Variants in PKHD1 observed in about 807,000 individuals in gnomAD.
PKHD1 encodes PKHD1 ciliary IPT domain containing fibrocystin/polyductin.
In PKHD1, 291 loss-of-function variants were observed where a neutral mutation model predicts 412.0. That is an observed-to-expected ratio of 0.71 (90% confidence interval 0.64 to 0.78). The LOEUF is 0.78. Ranked by LOEUF, PKHD1 falls within the 30% of genes least tolerant of loss-of-function variation. PKHD1 has a pLI of 0.00. For missense variants in PKHD1, 4,825 were observed against 4,950.7 expected (o/e 0.97, Z 0.76); for synonymous variants, 1,777 against 1,821.5 (o/e 0.98, Z 0.62).
chr6:52,034,066 T>C (rs1432489174), intron 28 of PKHD1, among the ~76,000 whole-genome samples: 1 of 150,920 alleles, frequency 6.6e-6, no homozygotes, highest in East Asian at 1.9e-4. Flanking sequence ...GAGGTGGAGG[T>C]TGCAGTGAGC....
intron 55 of PKHD1, among the ~76,000 whole-genome samples, chr6:51,769,738 A>G (rs1789734572): frequency 2.0e-5 from 3 of 151,420 alleles, no homozygotes; most frequent in South Asian, 2.1e-4. Flanking sequence ...ATAACTGTCA[A>G]TATGAAAACT....
chr6:51,854,769 A>G (rs1436911381), intron 49 of PKHD1, among the ~76,000 whole-genome samples: 1 of 152,196 alleles, frequency 6.6e-6, no homozygotes, highest in Non-Finnish European at 1.5e-5. Context: ...AAAGCCATCC[A>G]GCCTCCCTGG....
intron 28 of PKHD1, among the ~76,000 whole-genome samples, chr6:52,035,176 G>A (rs1379472662): frequency 2.0e-5 from 3 of 152,180 alleles, no homozygotes; most frequent in Non-Finnish European, 4.4e-5. Context: ...AAGTTTCTAA[G>A]TTCTACAATT....
At chr6:51,991,099 G>C (rs920620834) in intron 35 of PKHD1, among the ~76,000 whole-genome samples, 1 of 152,104 alleles carries the variant, frequency 6.6e-6, no homozygotes, top group East Asian at 1.9e-4. Context: ...AAGCATCATG[G>C]ACAACCCTAT....
At position 52,022,360 on chromosome 6, in the gene PKHD1, T is replaced by C. The variant is rs1048678829; in HGVS notation, c.5380+441A>G. On this transcript the variant is annotated intron_variant, in intron 33 of 66. Coordinates refer to ENST00000371117, the MANE Select transcript of PKHD1 (RefSeq NM_138694.4). Reference sequence around the variant, plus strand: ...GAAAACTGAACACACAAAGCTAATTTTCAAGTGATATCCAGCTTGAAAATC... The same window carrying C: ...GAAAACTGAACACACAAAGCTAATTCTCAAGTGATATCCAGCTTGAAAATC... 2.2e-4 allele frequency among the ~76,000 whole-genome samples: 34 copies of C among 152,194 alleles called. 1 individual carries two copies. The highest frequency in any genetic ancestry group is 8.0e-4 in the African/African-American group (33 of 41,454).
In PKHD1 at chr6:52,024,776, T is replaced by C. The variant is rs1463161754; in HGVS notation, c.5034A>G (p.Ser1678=). 1 of 1,613,184 alleles carries C rather than the reference T, an allele frequency of 6.2e-7. No homozygotes were observed. Among genetic ancestry groups the C allele is most frequent in the African/African-American group, 1.3e-5 (1 of 75,040 alleles). The change falls in exon 32 of 67, where the codon TCA becomes TCG. Residue 1678 remains serine, a synonymous_variant. Transcript: ENST00000371117. ...DILTFAVAQI[S]GAANIDIFIG... is the part of the protein sequence containing the mutation. ...TAAAAATGTCAATGTTTGCAGCTCC[T>C]GAGATCTGGGCCACTGCAAAGGTTA...
Position 52,056,746 on chromosome 6 carries a change from G to A in PKHD1, c.1645C>T (p.Leu549=). ...AGGATGTTAGACCAAAGGGGTTCCA[G>A]TTTGCATTTTACTGCAAGTAACTCC... ...IEELLAVKCK[L]EPLWSNILLR... is the part of the protein sequence containing the mutation. The change falls in exon 18 of 67, where the codon CTG becomes TTG. Residue 549 remains leucine (L), a synonymous_variant. Coordinates refer to ENST00000371117, the MANE Select transcript of PKHD1 (RefSeq NM_138694.4). 6.2e-7 allele frequency: 1 copy of A among 1,613,866 alleles called. No homozygotes were observed. Among genetic ancestry groups the A allele is most frequent in the Non-Finnish European group, 8.5e-7 (1 of 1,179,796 alleles).
At chr6:51,767,547 A>G (rs984970928) in intron 55 of PKHD1, among the ~76,000 whole-genome samples, 16 of 151,940 alleles carry the variant, frequency 1.1e-4, no homozygotes, top group Non-Finnish European at 2.1e-4. Flanking sequence ...ATTCCCACCT[A>G]TGAGTGAGAA....
At chr6:51,949,303 T>C (rs1450281542) in intron 36 of PKHD1, among the ~76,000 whole-genome samples, 1 of 152,216 alleles carries the variant, frequency 6.6e-6, no homozygotes, top group Non-Finnish European at 1.5e-5. Context: ...TGGAATTCCC[T>C]TTCCCTGGAG....
intron 18 of PKHD1, among the ~76,000 whole-genome samples, chr6:52,056,479 A>C (rs1469781096): frequency 6.6e-6 from 1 of 152,092 alleles, no homozygotes; most frequent in South Asian, 2.1e-4. Context: ...CTAACAGCCC[A>C]GGAGGAATGC....
At chr6:52,020,066 T>C (rs1170678415) in intron 33 of PKHD1, among the ~76,000 whole-genome samples, 2 of 152,094 alleles carry the variant, frequency 1.3e-5, no homozygotes, top group Admixed American at 1.3e-4. Flanking sequence ...CATCACTCTA[T>C]GGTACAAAGT....
chr6:51,881,536 G>A (rs1777360162), intron 46 of PKHD1, among the ~76,000 whole-genome samples: 6 of 152,070 alleles, frequency 3.9e-5, no homozygotes, highest in Admixed American at 3.9e-4. Context: ...CTATCTAAGG[G>A]CTAGCTTTTC....
intron 35 of PKHD1, among the ~76,000 whole-genome samples, chr6:51,981,440 T>C (rs1478167606): frequency 6.6e-6 from 1 of 151,638 alleles, no homozygotes; most frequent in Non-Finnish European, 1.5e-5. Context: ...CACTGCAGCC[T>C]CCCTGCCTGA....
At chr6:51,890,746 T>A (rs1037741234) in intron 43 of PKHD1, among the ~76,000 whole-genome samples, 1 of 151,978 alleles carries the variant, frequency 6.6e-6, no homozygotes, top group African/African-American at 2.4e-5. Context: ...GAGAGATACA[T>A]GGGTAGGGGT....
At chr6:51,713,899 T>C (rs553964283) in intron 60 of PKHD1, among the ~76,000 whole-genome samples, 13 of 152,248 alleles carry the variant, frequency 8.5e-5, no homozygotes, top group Admixed American at 7.2e-4. Context: ...GAACCCTCTT[T>C]AGCACAACTA....
At chr6:51,869,672 G>A (rs1313522302) in intron 47 of PKHD1, among the ~76,000 whole-genome samples, 5 of 151,956 alleles carry the variant, frequency 3.3e-5, no homozygotes, top group Non-Finnish European at 7.4e-5. Flanking sequence ...AAGAATTGAG[G>A]AATTGCGATT....
intron 15 of PKHD1, 53 bp downstream of exon 15, chr6:52,059,875 C>T (rs1808410975): frequency 2.3e-6 from 2 of 866,672 alleles, no homozygotes; most frequent in Non-Finnish European, 4.0e-6. Context: ...TTTCTTTCTT[C>T]ATGGGTATGG....
chr6:51,735,225 G>C (rs916362907), intron 60 of PKHD1, among the ~76,000 whole-genome samples: 1 of 152,106 alleles, frequency 6.6e-6, no homozygotes, highest in Admixed American at 6.5e-5. Context: ...ATGAACTCTG[G>C]CTTTGGAGTC....
intron 19 of PKHD1, among the ~76,000 whole-genome samples, chr6:52,055,299 GA>G (rs1807537950): frequency 6.6e-6 from 1 of 152,312 alleles, no homozygotes; most frequent in African/African-American, 2.4e-5. Flanking sequence ...ATAGTCCAAT[GA>G]CACAGTCTGT....
Sources: allele counts gnomAD v4.1 joint callset (sites outside exome capture counted in the v4.1 genomes callset), GRCh38; gene constraint gnomAD v4.1.1; transcripts MANE v1.5; gene names NCBI Gene and HGNC (gene_info 2026-07-23, HGNC 2026-07-21).